The following ARID1B variants were observed in gnomAD, a reference collection of about 807,000 sequenced individuals.
ARID1B encodes AT-rich interactive domain-containing protein 1B.
ARID1B carries 30 observed loss-of-function variants against 212.3 expected under a neutral mutation model. That is an observed-to-expected ratio of 0.14 (90% CI 0.11 to 0.19). The LOEUF (loss-of-function observed/expected upper bound fraction) is 0.19, where lower values mean the gene tolerates loss of function less well. ARID1B is among the 10% of genes least tolerant of loss of function. The probability of loss-of-function intolerance (pLI) is 1.00; values close to 1 mark genes in which losing one functional copy is unlikely to be tolerated. For synonymous variants in ARID1B, 1,402 were observed against 1,301.7 expected, an observed-to-expected ratio of 1.08 and a Z score of -1.66; for missense variants, 2,891 against 3,204.0, an observed-to-expected ratio of 0.90 and a Z score of 2.36.
intron 5 of ARID1B, among the ~76,000 whole-genome samples, chr6:157,096,827 T>A (rs1785667940): frequency 6.6e-6 from 1 of 152,230 alleles, no homozygotes; most frequent in Non-Finnish European, 1.5e-5. Context: ...TATTGATTAA[T>A]CCGGGTTTCA....
At chr6:156,855,459 CTTTG>C (rs1460635705) in intron 2 of ARID1B, among the ~76,000 whole-genome samples, 1 of 152,150 alleles carries the variant, frequency 6.6e-6, no homozygotes, top group East Asian at 1.9e-4. Context: ...GGCCCGTCCA[CTTTG>C]TGTGTTTCAC....
chr6:156,926,320 A>G (rs1267592588), intron 3 of ARID1B, among the ~76,000 whole-genome samples: 1 of 152,220 alleles, frequency 6.6e-6, no homozygotes, highest in African/African-American at 2.4e-5. Context: ...TGTTTAGGAT[A>G]GCTAAGCATT....
At chr6:156,903,660 T>C (rs1789128844) in intron 3 of ARID1B, among the ~76,000 whole-genome samples, 1 of 152,180 alleles carries the variant, frequency 6.6e-6, no homozygotes, top group Non-Finnish European at 1.5e-5. Context: ...AAATCTATCC[T>C]GAAACAAAGT....
At chr6:157,081,133 T>G (rs1415503299) in intron 4 of ARID1B, among the ~76,000 whole-genome samples, 1 of 152,204 alleles carries the variant, frequency 6.6e-6, no homozygotes. Context: ...CCTAGCCCCT[T>G]AAAAGAGACT....
At chr6:157,186,914 C>T (rs1793014593) in intron 13 of ARID1B, among the ~76,000 whole-genome samples, 4 of 152,194 alleles carry the variant, frequency 2.6e-5, no homozygotes, top group Admixed American at 2.6e-4. Flanking sequence ...CAGCTCTAGG[C>T]TTCAATTCTG....
chr6:157,055,013 G>A (rs1488779150), intron 4 of ARID1B, among the ~76,000 whole-genome samples: 1 of 152,190 alleles, frequency 6.6e-6, no homozygotes, highest in East Asian at 1.9e-4. Flanking sequence ...GCAGAGGAGG[G>A]AACAGAACTC....
chr6:157,002,363 G>C (rs1381241071), intron 4 of ARID1B, among the ~76,000 whole-genome samples: 1 of 152,142 alleles, frequency 6.6e-6, no homozygotes, highest in African/African-American at 2.4e-5. Flanking sequence ...TAGTTTGGAG[G>C]CTTCTCCTTT....
intron 1 of ARID1B, among the ~76,000 whole-genome samples, chr6:156,808,564 C>G (rs1448686023): frequency 1.3e-5 from 2 of 152,174 alleles, no homozygotes; most frequent in Non-Finnish European, 2.9e-5. Flanking sequence ...TCCTTGCAAT[C>G]ATACTTTTTT....
At chr6:157,025,299 G>C (rs928642050) in intron 4 of ARID1B, among the ~76,000 whole-genome samples, 1 of 152,230 alleles carries the variant, frequency 6.6e-6, no homozygotes. Flanking sequence ...GATATTGTTT[G>C]AATTCATGTC....
chr6:156,928,061 G>T (rs552232729), intron 3 of ARID1B, among the ~76,000 whole-genome samples: 3 of 152,292 alleles, frequency 2.0e-5, no homozygotes, highest in South Asian at 4.1e-4. Context: ...GAAAGGCACC[G>T]AGGAGCAGTG....
rs1484992292 is a variant in ARID1B, at chr6:157,016,513, GA to G, written c.2248-68140del. 7.1e-4 allele frequency among the ~76,000 whole-genome samples: 107 copies of G among 151,680 alleles called. 1 individual carries two copies. Among genetic ancestry groups the G allele is most frequent in the East Asian group, 4.2e-3 (22 of 5,180 alleles). On this transcript the variant is annotated intron_variant, in intron 4 of 19. Coordinates refer to ENST00000636930, the MANE Select transcript of ARID1B (RefSeq NM_001374828.1). ...TGTTGTTTCCTTATAACTTGGAGGA[GA>G]AAAAAAAATATCGATTCCCAGCTGG...
chr6:157,196,566 A>C (rs1583492343), intron 16 of ARID1B, among the ~76,000 whole-genome samples: 1 of 152,178 alleles, frequency 6.6e-6, no homozygotes, highest in East Asian at 1.9e-4. Flanking sequence ...GTCAAGAGCC[A>C]GGGCCGCCAC....
chr6:156,905,628 G>A (rs1204484791), intron 3 of ARID1B, among the ~76,000 whole-genome samples: 1 of 152,124 alleles, frequency 6.6e-6, no homozygotes, highest in Admixed American at 6.5e-5. Context: ...TTAGGTATAT[G>A]GTGTTTGGGG....
chr6:157,103,670 C>G (rs1786247279), intron 5 of ARID1B, among the ~76,000 whole-genome samples: 1 of 152,014 alleles, frequency 6.6e-6, no homozygotes, highest in Non-Finnish European at 1.5e-5. Context: ...TGATTTAGTT[C>G]TTAAAAGCTA....
At chr6:156,916,939 C>T (rs747507558) in intron 3 of ARID1B, among the ~76,000 whole-genome samples, 5 of 152,148 alleles carry the variant, frequency 3.3e-5, no homozygotes, top group African/African-American at 4.8e-5. Flanking sequence ...GTTGCCTGGC[C>T]GCAGACAGGG....
chr6:157,060,134 T>C (rs528672207), intron 4 of ARID1B, among the ~76,000 whole-genome samples: 144 of 152,310 alleles, frequency 9.5e-4, no homozygotes, highest in African/African-American at 3.3e-3. Context: ...GCCAACTCCC[T>C]GTCTAGATAC....
At chr6:157,110,826 CATATGACTGTAGTCTGGT>C in intron 6 of ARID1B, 1 of 522,078 alleles carries the variant, frequency 1.9e-6, no homozygotes, top group Admixed American at 3.1e-5. Flanking sequence ...GCATGGTTCA[CATATGACTGTAGTCTGGT>C]ATTTGGTCTA....
At chr6:156,952,935 C>T (rs1793695110) in intron 4 of ARID1B, among the ~76,000 whole-genome samples, 1 of 152,174 alleles carries the variant, frequency 6.6e-6, no homozygotes, top group Non-Finnish European at 1.5e-5. Context: ...TTCAAGAAGA[C>T]TTTAGCTCCA....
intron 2 of ARID1B, among the ~76,000 whole-genome samples, chr6:156,898,116 C>T (rs998009673): frequency 1.3e-5 from 2 of 152,064 alleles, no homozygotes; most frequent in Admixed American, 6.5e-5. Context: ...GAGGGAGGGC[C>T]GCCCGAGCTA....
Sources: allele counts gnomAD v4.1 joint callset (sites outside exome capture counted in the v4.1 genomes callset), GRCh38; gene constraint gnomAD v4.1.1; transcripts MANE v1.5; gene names NCBI Gene and HGNC (gene_info 2026-07-23, HGNC 2026-07-21).